DST: variants seen among roughly 807,000 people sequenced by gnomAD.
DST encodes dystonin, also known as bullous pemphigoid antigen.
In DST, 253 loss-of-function variants were observed where a neutral mutation model predicts 875.2. The ratio of observed to expected loss-of-function variants is 0.29; its 90% CI spans 0.26 to 0.32. The LOEUF is 0.32. DST is among the 10% of genes least tolerant of loss of function. The pLI, the probability that DST is intolerant of heterozygous loss-of-function variation, is 1.00. For missense variants in DST, 8,287 were observed against 9,111.6 expected, an observed-to-expected ratio of 0.91 and a Z score of 3.68; for synonymous variants, 3,124 against 3,197.1, an observed-to-expected ratio of 0.98 and a Z score of 0.77.
intron 9 of DST, among the ~76,000 whole-genome samples, chr6:56,674,949 G>C (rs1588308719): frequency 6.6e-6 from 1 of 152,122 alleles, no homozygotes; most frequent in African/African-American, 2.4e-5. Context: ...ACCCCAAATA[G>C]TCAAAGCAAT....
At chr6:56,754,710 A>G (rs943435435) in intron 4 of DST, among the ~76,000 whole-genome samples, 1 of 152,192 alleles carries the variant, frequency 6.6e-6, no homozygotes, top group Non-Finnish European at 1.5e-5. Context: ...AAAAAATTAA[A>G]TCTTTGACCC....
At chr6:56,822,426 C>G (rs2099774123) in intron 4 of DST, among the ~76,000 whole-genome samples, 1 of 152,132 alleles carries the variant, frequency 6.6e-6, no homozygotes, top group Non-Finnish European at 1.5e-5. Context: ...GAGGTCAAGA[C>G]AACTAGAATT....
At chr6:56,610,375 C>T (rs1245579777) in intron 39 of DST, 52 bp downstream of exon 39, 3 of 1,359,028 alleles carry the variant, frequency 2.2e-6, no homozygotes, top group South Asian at 2.9e-5. Flanking sequence ...CAGAGCCATG[C>T]AATCAAACTA....
intron 36 of DST, chr6:56,619,494 C>G: frequency 1.9e-6 from 3 of 1,612,080 alleles, no homozygotes; most frequent in Non-Finnish European, 2.5e-6. Context: ...AATTCTTTCT[C>G]ATCTCGAAAA....
intron 93 of DST, among the ~76,000 whole-genome samples, chr6:56,473,105 G>C (rs2094977304): frequency 6.6e-6 from 1 of 152,144 alleles, no homozygotes; most frequent in Non-Finnish European, 1.5e-5. Flanking sequence ...CCCTTCTACA[G>C]ATGAGGAAAC....
chr6:56,484,485 G>A (rs1039888610), intron 88 of DST: 2 of 152,038 alleles, frequency 1.3e-5, no homozygotes, highest in Non-Finnish European at 2.9e-5. Flanking sequence ...CCAATATAAA[G>A]AGAACATTAT....
chr6:56,629,150 C>A (rs186707753), intron 32 of DST, 100 bp downstream of exon 32: 149 of 1,163,034 alleles, frequency 1.3e-4, no homozygotes, highest in Admixed American at 1.1e-4. Context: ...AACAAATTAA[C>A]TATGGAAGTA....
Position 56,475,823 on chromosome 6 carries a change from G to A in DST, c.21864+326C>T, listed in dbSNP as rs77045529. ...CACCAAAAGAGGGAACAGAGTGAGAGAAATAGAGAGCTGAGGATAACACCT... is the reference window on the plus strand; with the variant it reads ...CACCAAAAGAGGGAACAGAGTGAGAAAAATAGAGAGCTGAGGATAACACCT... On this transcript the variant is annotated intron_variant, in intron 92 of 103. Transcript: ENST00000680361. Among the ~76,000 whole-genome samples the A allele has an allele frequency of 8.9e-3, 1,351 of 152,300 alleles. 21 individuals are homozygous for A. The highest frequency in any genetic ancestry group is 0.031 in the African/African-American group (1,301 of 41,562).
chr6:56,537,242 T>C (rs28404314), intron 61 of DST, among the ~76,000 whole-genome samples: 18 of 152,344 alleles, frequency 1.2e-4, no homozygotes, highest in Admixed American at 5.9e-4. Context: ...TTCATTATCA[T>C]AGGATGAAAA....
chr6:56,748,162 T>C (rs191201665), intron 4 of DST, among the ~76,000 whole-genome samples: 2 of 152,282 alleles, frequency 1.3e-5, no homozygotes, highest in East Asian at 3.9e-4. Context: ...TAGGTGCCTT[T>C]AGACTTCAAA....
intron 4 of DST, among the ~76,000 whole-genome samples, chr6:56,743,038 ATGTC>A (rs1361481322): frequency 1.3e-5 from 2 of 152,176 alleles, no homozygotes; most frequent in East Asian, 1.9e-4. Flanking sequence ...CTAAACGTTT[ATGTC>A]ATCAAACAAT....
chr6:56,550,321 A>T (rs1367662727), intron 61 of DST, among the ~76,000 whole-genome samples: 1 of 152,210 alleles, frequency 6.6e-6, no homozygotes, highest in African/African-American at 2.4e-5. Flanking sequence ...AATAAAATCA[A>T]TCAACTCTTT....
intron 49 of DST, among the ~76,000 whole-genome samples, chr6:56,582,304 C>T (rs942855771): frequency 2.0e-5 from 3 of 152,138 alleles, no homozygotes; most frequent in Admixed American, 1.3e-4. Context: ...GAATGGTTTA[C>T]CATCATCATC....
chr6:56,476,533 T>A (rs993669612), intron 91 of DST, among the ~76,000 whole-genome samples, 196 bp from the exon 92 acceptor site: 2 of 152,206 alleles, frequency 1.3e-5, no homozygotes, highest in African/African-American at 4.8e-5. Flanking sequence ...ATGATGTTCA[T>A]CATCTTCAGA....
At chr6:56,906,324 T>C (rs774400201) in intron 2 of DST, among the ~76,000 whole-genome samples, 1 of 152,074 alleles carries the variant, frequency 6.6e-6, no homozygotes, top group Non-Finnish European at 1.5e-5. Flanking sequence ...CAGCCCCAAA[T>C]CATTTTCTAA....
At chr6:56,485,932 C>T (rs946920032) in intron 87 of DST, among the ~76,000 whole-genome samples, 2 of 152,118 alleles carry the variant, frequency 1.3e-5, no homozygotes, top group African/African-American at 2.4e-5. Flanking sequence ...ACACGCCCTG[C>T]CCCCGCCTTC....
intron 3 of DST, chr6:56,863,175 T>C (rs1276137036): frequency 1.3e-5 from 2 of 152,236 alleles, no homozygotes; most frequent in Admixed American, 6.5e-5. Context: ...GGTAGCATGC[T>C]GGTAATGAAG....
chr6:56,624,512 C>T lies in DST; in HGVS notation c.4929+18G>A, dbSNP rs374777175. On this transcript the variant is annotated intron_variant, in intron 36 of 103. Transcript: ENST00000680361. ...CTAGCTCCTTTATATTTACAGGGTG[C>T]TCACTGTTAATGATTACCTCCTCCT... 2.7e-4 allele frequency: 420 copies of T among 1,528,744 alleles called. No homozygotes were observed. Among genetic ancestry groups the T allele is most frequent in the Admixed American group, 1.0e-3 (61 of 59,912 alleles). The allele number at this position is 1,528,744 out of a possible 1,614,324, so 94.7% of individuals were successfully genotyped here.
chr6:56,589,307 A>C (rs1278367927), intron 49 of DST, among the ~76,000 whole-genome samples: 1 of 152,200 alleles, frequency 6.6e-6, no homozygotes, highest in Non-Finnish European at 1.5e-5. Flanking sequence ...CTTGACAATT[A>C]TATTCAGGAG....
Sources: gnomAD v4.1 joint callset for allele counts (sites outside exome capture counted in the v4.1 genomes callset) on GRCh38, gnomAD v4.1.1 for gene constraint, MANE v1.5 for transcripts, NCBI Gene and HGNC (gene_info 2026-07-23, HGNC 2026-07-21) for gene names.